ORMDL2: variants seen among roughly 807,000 people sequenced by gnomAD.
ORMDL2 encodes the protein ORM1-like protein 2.
In ORMDL2, 11 loss-of-function variants were observed where a neutral mutation model predicts 13.5. The ratio of observed to expected loss-of-function variants is 0.82; its 90% CI spans 0.51 to 1.35. ORMDL2 has a LOEUF of 1.35. Ranked by LOEUF, ORMDL2 falls within the 40% of genes most tolerant of loss-of-function variation. ORMDL2 has a pLI of 0.00. For synonymous variants in ORMDL2, 73 were observed against 76.5 expected (o/e 0.95, Z 0.24); for missense variants, 160 against 191.1 (o/e 0.84, Z 0.96).
chr12:55,819,439 A>G lies in ORMDL2; in HGVS notation c.272A>G (p.Tyr91Cys), dbSNP rs770092062. Residue 91 changes from tyrosine (Y) to cysteine (C), a missense_variant, in exon 3 of 4, where the codon TAT (tyrosine) becomes TGT (cysteine). By Grantham distance (194) the Tyr-to-Cys change is radical. Transcript: ENST00000243045. ...RLLTHWEQMD[Y>C]GLQFTSSRKF... ...CTGACACACTGGGAGCAAATGGACTATGGGCTCCAGTTTACCTCTTCCCGC... is the reference window on the plus strand; with the variant it reads ...CTGACACACTGGGAGCAAATGGACTGTGGGCTCCAGTTTACCTCTTCCCGC... 1.1e-5 allele frequency: 17 copies of G among 1,613,940 alleles called. No homozygotes were observed. The highest frequency in any genetic ancestry group is 1.4e-5 in the Non-Finnish European group (16 of 1,179,996).
rs1264577950 is a variant in ORMDL2, at chr12:55,818,131, G to GT, written c.-2+20dup. On this transcript the variant is annotated intron_variant, in intron 1 of 3. Transcript: ENST00000243045. ...CTGGCAGGTAGGAGCTGCAAAGACT[G>GT]TAAGGGTTGCTGAGGAAAAATGGTG... The GT allele has an allele frequency of 2.1e-6, 1 of 470,316 alleles. No homozygotes were observed. The highest frequency in any genetic ancestry group is 2.0e-5 in the African/African-American group (1 of 50,638). The allele number at this position is 470,316 out of a possible 1,614,324, so 29.1% of individuals were successfully genotyped here.
At chr12:55,818,669 GT>G (rs1311510223) in intron 1 of ORMDL2, 1 of 269,582 alleles carries the variant, frequency 3.7e-6, no homozygotes, top group Non-Finnish European at 7.2e-6. Context: ...CCTCTTCATG[GT>G]TATTAACTTC....
chr12:55,818,817 T>A, intron 1 of ORMDL2, 182 bp from the exon 2 acceptor site: 1 of 586,230 alleles, frequency 1.7e-6, no homozygotes, highest in Non-Finnish European at 3.0e-6. Flanking sequence ...TAGTGAGGAC[T>A]CTTCTTGTCT....
chr12:55,818,078 C>A lies in ORMDL2; in HGVS notation c.-36C>A. 1 of 517,326 alleles carries A rather than the reference C, an allele frequency of 1.9e-6. No individual in the cohort carries two copies. The highest frequency in any genetic ancestry group is 2.9e-4 in the Middle Eastern group (1 of 3,404). The allele number at this position is 517,326 out of a possible 1,614,324, so 32.0% of individuals were successfully genotyped here. On this transcript the variant is annotated 5_prime_UTR_variant, in exon 1 of 4. Transcript: ENST00000243045. Reference sequence around the variant, plus strand: ...AGACTTCAGGTGTGGTAGCCGGCGCCGCGCCCATAGCCGGACGGGGATCTG... The same window carrying A: ...AGACTTCAGGTGTGGTAGCCGGCGCAGCGCCCATAGCCGGACGGGGATCTG...
At position 55,821,711 on chromosome 12, in the gene ORMDL2, G is replaced by T; in HGVS notation, c.*1316G>T. Reference sequence around the variant, plus strand: ...AAAAATACAAAAAAGAATTAGCTGGGCCAGGTGTGGTGGTGTGTGCCTGTA... The same window carrying T: ...AAAAATACAAAAAAGAATTAGCTGGTCCAGGTGTGGTGGTGTGTGCCTGTA... On this transcript the variant is annotated 3_prime_UTR_variant, in exon 4 of 4. Transcript: ENST00000243045. 4.0e-6 allele frequency: 1 copy of T among 252,088 alleles called. No homozygotes were observed. The highest frequency in any genetic ancestry group is 7.5e-6 in the Non-Finnish European group (1 of 133,424). The allele number at this position is 252,088 out of a possible 1,614,324, so 15.6% of individuals were successfully genotyped here.
intron 3 of ORMDL2, 41 bp downstream of exon 3, chr12:55,819,534 A>C: frequency 2.5e-6 from 4 of 1,583,686 alleles, no homozygotes; most frequent in Non-Finnish European, 3.4e-6. Context: ...GGTTAGAAAG[A>C]GCTCCAAGAG....
Position 55,819,235 on chromosome 12 carries a change from A to G in ORMDL2, c.174+62A>G, listed in dbSNP as rs758127112. ...GTTTCCCAACCAAAAGCAAAATAAA[A>G]TCACCAATTGTTTGGGGATTTATGT... On this transcript the variant is annotated intron_variant, in intron 2 of 3. Transcript: ENST00000243045. The G allele has an allele frequency of 9.5e-5, 151 of 1,591,186 alleles. 1 individual carries two copies. The highest frequency in any genetic ancestry group is 1.2e-4 in the Non-Finnish European group (134 of 1,162,540).
In ORMDL2 at chr12:55,818,992, C is replaced by G. The variant is rs76022888; in HGVS notation, c.-1-7C>G. On this transcript the variant is annotated splice_region_variant and splice_polypyrimidine_tract_variant and intron_variant, in intron 1 of 3. Transcript: ENST00000243045. ...TGGACTCCTGCCTGATCCCCCATTACGGCTAGGATGAATGTGGGGGTGGCA... is the reference window on the plus strand; with the variant it reads ...TGGACTCCTGCCTGATCCCCCATTAGGGCTAGGATGAATGTGGGGGTGGCA... 21 of 1,610,172 alleles carry G rather than the reference C, an allele frequency of 1.3e-5. No individual in the cohort carries two copies. The highest frequency in any genetic ancestry group is 2.7e-5 in the African/African-American group (2 of 74,948).
At position 55,820,535 on chromosome 12, in the gene ORMDL2, G is replaced by A. The variant is rs1472537563; in HGVS notation, c.*140G>A. ...TATACAACCTTTCCCAGACTCCCAA[G>A]AAGAGAAGAGATTGGCAAATGGGGC... On this transcript the variant is annotated 3_prime_UTR_variant, in exon 4 of 4. Transcript: ENST00000243045. The A allele has an allele frequency of 9.8e-7, 1 of 1,019,222 alleles. No individual in the cohort carries two copies. The highest frequency in any genetic ancestry group is 1.5e-6 in the Non-Finnish European group (1 of 672,590). The allele number at this position is 1,019,222 out of a possible 1,614,324, so 63.1% of individuals were successfully genotyped here.
intron 1 of ORMDL2, chr12:55,818,610 GTTCT>G (rs1880577594): frequency 1.0e-5 from 2 of 200,124 alleles, no homozygotes; most frequent in Admixed American, 5.3e-5. Context: ...CTTCTTAGTG[GTTCT>G]TTGATGATTC....
intron 3 of ORMDL2, 99 bp from the exon 4 acceptor site, chr12:55,820,161 T>G (rs1880627648): frequency 2.5e-6 from 3 of 1,198,480 alleles, no homozygotes; most frequent in African/African-American, 3.1e-5. Flanking sequence ...GCCACTGCAC[T>G]CCAACCTGGG....
At position 55,818,991 on chromosome 12, in the gene ORMDL2, A is replaced by G; in HGVS notation, c.-1-8A>G. ...CTGGACTCCTGCCTGATCCCCCATT[A>G]CGGCTAGGATGAATGTGGGGGTGGC... is the stretch of plus-strand genomic sequence containing the variant. On this transcript the variant is annotated splice_region_variant and splice_polypyrimidine_tract_variant and intron_variant, in intron 1 of 3. Transcript: ENST00000243045. 6.2e-7 allele frequency: 1 copy of G among 1,609,252 alleles called. No individual in the cohort carries two copies. The highest frequency in any genetic ancestry group is 1.7e-5 in the Admixed American group (1 of 59,924).
In ORMDL2 at chr12:55,820,524, C is replaced by A; in HGVS notation, c.*129C>A. The A allele has an allele frequency of 8.9e-7, 1 of 1,121,412 alleles. No individual in the cohort carries two copies. Among genetic ancestry groups the A allele is most frequent in the Non-Finnish European group, 1.3e-6 (1 of 746,732 alleles). The allele number at this position is 1,121,412 out of a possible 1,614,324, so 69.5% of individuals were successfully genotyped here. On this transcript the variant is annotated 3_prime_UTR_variant, in exon 4 of 4. Transcript: ENST00000243045. ...AGCCTGAGAACTATACAACCTTTCC[C>A]AGACTCCCAAGAAGAGAAGAGATTG...
At chr12:55,819,518 A>G (rs749668375) in intron 3 of ORMDL2, 25 bp downstream of exon 3, 3 of 1,607,122 alleles carry the variant, frequency 1.9e-6, no homozygotes, top group Non-Finnish European at 2.6e-6. Context: ...GAAATGAGAT[A>G]TGCTGGGTTA....
rs1880674392 is a variant in ORMDL2 at position 55,821,856 on chromosome 12, AAAAAAT to A, written c.*1467_*1472del. 6.7e-6 allele frequency: 8 copies of A among 1,187,462 alleles called. No individual in the cohort carries two copies. The highest frequency in any genetic ancestry group is 9.4e-6 in the Non-Finnish European group (8 of 855,568). 73.6% of individuals were successfully genotyped at this position (1,187,462 alleles called of 1,614,324 possible). A position where few individuals can be genotyped will look rare whatever the true frequency, so the allele number is the denominator to read the frequency against. ...GGGCAACAGAGCAAGACTCCATCTC[AAAAAAT>A]AAAAAGAAAAAGATTCAGTTCCTAG... On this transcript the variant is annotated 3_prime_UTR_variant, in exon 4 of 4. Transcript: ENST00000243045.
intron 1 of ORMDL2, 34 bp downstream of exon 1, chr12:55,818,146 GA>G (rs1880564190): frequency 6.5e-6 from 3 of 462,690 alleles, no homozygotes; most frequent in Admixed American, 2.4e-5. Context: ...GGTTGCTGAG[GA>G]AAAATGGTGG....
rs1880630567 is a variant in ORMDL2, at chr12:55,820,255, C to T, written c.327-5C>T. On this transcript the variant is annotated splice_region_variant and splice_polypyrimidine_tract_variant and intron_variant, in intron 3 of 3. Transcript: ENST00000243045. ...CTCACTCACCCTATTTTTTTCTCTC[C>T]CCAGCTATCTCCTGGCCAGCTTCTA... 1 of 1,604,526 alleles carries T rather than the reference C, an allele frequency of 6.2e-7. No individual in the cohort carries two copies. Among genetic ancestry groups the T allele is most frequent in the African/African-American group, 1.3e-5 (1 of 74,478 alleles).
In ORMDL2 at chr12:55,819,146, G is replaced by A; in HGVS notation, c.147G>A (p.Trp49Ter). The stretch of plus-strand genomic sequence containing the variant: ...CCTTCTTCAGCATTCCTGTTGTCTG[G>A]ACCCTGACCAACGTCATCCATAACC... ...SIPFFSIPVV[W>*]TLTNVIHNLA... The change falls in exon 2 of 4, where the codon TGG becomes TGA. Residue 49 changes from tryptophan (W) to a stop codon, truncating the protein, a stop_gained. Coordinates refer to ENST00000243045, the MANE Select transcript of ORMDL2 (RefSeq NM_014182.5). LOFTEE classifies it high-confidence loss of function. The A allele has an allele frequency of 6.2e-7, 1 of 1,614,068 alleles. No individual in the cohort carries two copies. Among genetic ancestry groups the A allele is most frequent in the Non-Finnish European group, 8.5e-7 (1 of 1,179,990 alleles).
Position 55,819,633 on chromosome 12 carries a change from C to T in ORMDL2, c.326+140C>T, listed in dbSNP as rs909697090. The T allele has an allele frequency of 9.9e-6, 7 of 707,246 alleles. No homozygotes were observed. In the African/African-American group the frequency reaches 1.2e-4, roughly 13 times the overall value. 43.8% of individuals were successfully genotyped at this position (707,246 alleles called of 1,614,324 possible). Reference sequence around the variant, plus strand: ...GATATTATGGTATACTAGTTCTAAGCCTACAGAGAGCAGTAAAATGTAGAT... The same window carrying T: ...GATATTATGGTATACTAGTTCTAAGTCTACAGAGAGCAGTAAAATGTAGAT... On this transcript the variant is annotated intron_variant, in intron 3 of 3. Transcript: ENST00000243045.
Sources: gnomAD v4.1 joint callset for allele counts on GRCh38, gnomAD v4.1.1 for gene constraint, MANE v1.5 for transcripts, NCBI Gene and HGNC (gene_info 2026-07-23, HGNC 2026-07-21) for gene names.